The following ITGAX variants were observed in gnomAD, a reference collection of about 807,000 sequenced individuals.
ITGAX encodes integrin alpha-X.
In ITGAX, 99 loss-of-function variants were observed where a neutral mutation model predicts 140.2. That is an observed-to-expected ratio of 0.71 (90% CI 0.60 to 0.83). ITGAX has a LOEUF of 0.83. ITGAX is among the 40% of genes least tolerant of loss of function. ITGAX has a pLI of 0.00. For missense variants in ITGAX, 1,444 were observed against 1,482.0 expected, an observed-to-expected ratio of 0.97 and a Z score of 0.42; for synonymous variants, 631 against 600.4, an observed-to-expected ratio of 1.05 and a Z score of -0.75.
intron 20 of ITGAX, among the ~76,000 whole-genome samples, chr16:31,375,726 C>A (rs1037249280): frequency 3.3e-5 from 5 of 152,224 alleles, no homozygotes; most frequent in Non-Finnish European, 5.9e-5. Flanking sequence ...TCTGCTGTCT[C>A]TCTTAGTCTA....
At chr16:31,362,560 G>T (rs1479629970) in intron 11 of ITGAX, 51 bp from the exon 12 acceptor site, 91 of 1,564,026 alleles carry the variant, frequency 5.8e-5, no homozygotes, top group Non-Finnish European at 7.4e-5. Context: ...GGGGTCCAGG[G>T]TTCTGGGGAG....
chr16:31,355,919 T>C lies in ITGAX; in HGVS notation c.64T>C (p.Leu22=), dbSNP rs1162438330. 1.9e-6 allele frequency: 3 copies of C among 1,613,766 alleles called. No individual in the cohort carries two copies. Among genetic ancestry groups the C allele is most frequent in the Non-Finnish European group, 2.5e-6 (3 of 1,179,758 alleles). Residue 22 remains leucine (L), a synonymous_variant, in exon 2 of 30, where the codon TTG becomes CTG. Transcript: ENST00000268296. Reference sequence around the variant, plus strand: ...CTTAGCAACTTCTCTAGGTTTCAACTTGGACACAGAGGAGCTGACAGCCTT... The same window carrying C: ...CTTAGCAACTTCTCTAGGTTTCAACCTGGACACAGAGGAGCTGACAGCCTT... ...TALATSLGFN[L]DTEELTAFRV...
chr16:31,367,853 G>C (rs1204388477), intron 14 of ITGAX, among the ~76,000 whole-genome samples: 1 of 152,190 alleles, frequency 6.6e-6, no homozygotes, highest in Non-Finnish European at 1.5e-5. Context: ...TCTTCTGATG[G>C]ATCTGGGCAA....
rs771106198 is a variant in ITGAX at position 31,372,592 on chromosome 16, C to A, written c.2293-5C>A. 6.2e-7 allele frequency: 1 copy of A among 1,614,026 alleles called. No homozygotes were observed. The highest frequency in any genetic ancestry group is 8.5e-7 in the Non-Finnish European group (1 of 1,179,984). On this transcript the variant is annotated splice_polypyrimidine_tract_variant and splice_region_variant and intron_variant, in intron 18 of 29. Transcript: ENST00000268296. ...GAGAAAACCCCCCGTTGCCTTCCCA[C>A]GCAGCTACCCTTTGAGAAGAACTGT...
rs79258055 is a variant in ITGAX at position 31,372,784 on chromosome 16, G to A, written c.2366+114G>A. On this transcript the variant is annotated intron_variant, in intron 19 of 29. Coordinates refer to ENST00000268296, the MANE Select transcript of ITGAX (RefSeq NM_000887.5). ...CTCATCCTATAGTCAAAACCCAGGT[G>A]TCTTGGCTGGGCACAGTGGCTCACG... 3.1e-3 allele frequency: 3,330 copies of A among 1,072,464 alleles called. 57 individuals carry two copies. The African/African-American group carries it at 0.043, about 14-fold the overall frequency. The allele number at this position is 1,072,464 out of a possible 1,614,324, so 66.4% of individuals were successfully genotyped here.
rs1224842878 is a variant in ITGAX at position 31,363,015 on chromosome 16, C to T, written c.1440C>T (p.Ala480=). The change falls in exon 13 of 30, where the codon GCC becomes GCT. Residue 480 remains alanine (A), a synonymous_variant. Transcript: ENST00000268296. ...DGSTDLVLIG[A]PHYYEQTRGG... is the part of the protein sequence containing the mutation. ...GCACCGACCTGGTCCTCATCGGGGC[C>T]CCCCATTACTACGAGCAGACCCGAG... The T allele has an allele frequency of 6.2e-7, 1 of 1,612,216 alleles. No homozygotes were observed. The highest frequency in any genetic ancestry group is 2.2e-5 in the East Asian group (1 of 44,878).
In ITGAX at chr16:31,362,652, C is replaced by A. The variant is rs1298036241; in HGVS notation, c.1258C>A (p.Leu420Met). 6.2e-7 allele frequency: 1 copy of A among 1,613,310 alleles called. No individual in the cohort carries two copies. The highest frequency in any genetic ancestry group is 1.3e-5 in the African/African-American group (1 of 74,878). ...GGCCCTCTGGAAAGGGGTGCAGAGC[C>A]TGGTCCTGGGGGCCCCCCGCTACCA... Reference protein sequence around the residue: ...ELALWKGVQSLVLGAPRYQHT... With the variant: ...ELALWKGVQSMVLGAPRYQHT... The change falls in exon 12 of 30, where the codon CTG (leucine) becomes ATG (methionine). Residue 420 changes from leucine (L) to methionine (M), a missense_variant. Transcript: ENST00000268296.
chr16:31,377,185 GAAC>G lies in ITGAX; in HGVS notation c.2714_2716del (p.Asn905del). 6.2e-7 allele frequency: 1 copy of G among 1,614,018 alleles called. No individual in the cohort carries two copies. The highest frequency in any genetic ancestry group is 1.1e-5 in the South Asian group (1 of 91,082). ...TGAGTCTCTCCTCTTTCTCCAGTGA[GAAC>G]AACACTCCCAGGACCAGCAAGACCA... On this transcript the variant is annotated inframe_deletion, in exon 23 of 30. Transcript: ENST00000268296.
Position 31,360,042 on chromosome 16 carries a change from G to A in ITGAX, c.684G>A (p.Thr228=), listed in dbSNP as rs1597063936. The A allele has an allele frequency of 2.5e-6, 4 of 1,611,832 alleles. No homozygotes were observed. Among genetic ancestry groups the A allele is most frequent in the Non-Finnish European group, 3.4e-6 (4 of 1,180,010 alleles). The part of the protein sequence containing the change: ...SVHQLQGFTY[T]ATAIQNVVHR... ...ACCAGCTGCAAGGGTTTACATACAC[G>A]GCCACCGCCATCCAAAATGTCGTGT... The change falls in exon 7 of 30, where the codon ACG becomes ACA. Residue 228 remains threonine (T), a synonymous_variant. Transcript: ENST00000268296.
intron 14 of ITGAX, among the ~76,000 whole-genome samples, chr16:31,369,140 G>T (rs1342522226): frequency 1.3e-5 from 2 of 152,042 alleles, no homozygotes; most frequent in East Asian, 3.9e-4. Flanking sequence ...CCCAGACGGG[G>T]TGGTGGCCGG....
At position 31,376,847 on chromosome 16, in the gene ITGAX, G is replaced by T. The variant is rs182689124; in HGVS notation, c.2557G>T (p.Val853Phe). 7.4e-6 allele frequency: 12 copies of T among 1,614,244 alleles called. No homozygotes were observed. Among genetic ancestry groups the T allele is most frequent in the East Asian group, 4.5e-5 (2 of 44,890 alleles). Reference protein sequence around the residue: ...SLHLTCDSAPVGSQGTWSTSC... With the variant: ...SLHLTCDSAPFGSQGTWSTSC... The stretch of plus-strand genomic sequence containing the variant: ...GCACCTGACATGTGACAGCGCCCCA[G>T]TTGGGAGCCAGGGCACCTGGAGCAC... The change falls in exon 21 of 30, where the codon GTT becomes TTT. Residue 853 changes from valine (V) to phenylalanine (F), a missense_variant. By Grantham distance (50) the Val-to-Phe change is conservative. Coordinates refer to ENST00000268296, the MANE Select transcript of ITGAX (RefSeq NM_000887.5).
chr16:31,361,543 C>G, intron 9 of ITGAX: 1 of 699,306 alleles, frequency 1.4e-6, no homozygotes. Flanking sequence ...TCCCACCAGC[C>G]ACTCACTCCC....
At chr16:31,367,489 A>C (rs2080903518) in intron 14 of ITGAX, among the ~76,000 whole-genome samples, 1 of 152,220 alleles carries the variant, frequency 6.6e-6, no homozygotes, top group Admixed American at 6.5e-5. Flanking sequence ...CCATTTGGAA[A>C]ATTCCAGGGC....
Position 31,359,907 on chromosome 16 carries a change from G to T in ITGAX, c.562-13G>T. Reference sequence around the variant, plus strand: ...GAAATGGCCTCAGCCCCAGCCCTGTGTGCTTCTCCCAGTTTTCCCTGATGC... The same window carrying T: ...GAAATGGCCTCAGCCCCAGCCCTGTTTGCTTCTCCCAGTTTTCCCTGATGC... On this transcript the variant is annotated splice_polypyrimidine_tract_variant and intron_variant, in intron 6 of 29. Transcript: ENST00000268296. The T allele has an allele frequency of 6.2e-7, 1 of 1,614,098 alleles. No individual in the cohort carries two copies. The highest frequency in any genetic ancestry group is 1.1e-5 in the South Asian group (1 of 91,088).
Position 31,362,196 on chromosome 16 carries a change from C to A in ITGAX, c.1208C>A (p.Ser403Tyr), listed in dbSNP as rs750070858. 1.2e-6 allele frequency: 2 copies of A among 1,613,816 alleles called. No homozygotes were observed. The highest frequency in any genetic ancestry group is 3.3e-4 in the Middle Eastern group (2 of 6,060). ...MSQENVDMRD[S>Y]YLGYSTELAL... is the part of the protein sequence containing the mutation. Reference sequence around the variant, plus strand: ...CAGGAGAATGTGGACATGAGGGACTCTTACCTGGGTGAGAAACAGCCAGGG... The same window carrying A: ...CAGGAGAATGTGGACATGAGGGACTATTACCTGGGTGAGAAACAGCCAGGG... The change falls in exon 11 of 30, where the codon TCT becomes TAT. Residue 403 changes from serine (S) to tyrosine (Y), a missense_variant. Transcript: ENST00000268296.
intron 8 of ITGAX, 87 bp downstream of exon 8, chr16:31,360,550 C>A (rs2080813091): frequency 1.6e-6 from 2 of 1,274,522 alleles, no homozygotes; most frequent in Non-Finnish European, 2.2e-6. Context: ...CTCTTTGAGA[C>A]AGGGTCTTGC....
chr16:31,379,984 C>A lies in ITGAX; in HGVS notation c.2979C>A (p.Asn993Lys), dbSNP rs1405838888. ...TTGTTCTCTGCATTTTCCCCCAGAA[C>A]CCATCCCTTCGGTGCTCCTCAGAGA... ...WMDVEVSHPQ[N>K]PSLRCSSEKI... Residue 993 changes from asparagine to lysine, a missense_variant and splice_region_variant, in exon 26 of 30, where the codon AAC becomes AAA. By Grantham distance (94) the Asn-to-Lys change is moderately conservative. Transcript: ENST00000268296. 2 of 1,614,044 alleles carry A rather than the reference C, an allele frequency of 1.2e-6. No homozygotes were observed. Among genetic ancestry groups the A allele is most frequent in the African/African-American group, 2.7e-5 (2 of 75,036 alleles).
chr16:31,370,485 G>A (rs1430990201), intron 14 of ITGAX, among the ~76,000 whole-genome samples: 1 of 152,132 alleles, frequency 6.6e-6, no homozygotes, highest in Non-Finnish European at 1.5e-5. Context: ...ACAAAAAGGG[G>A]ACTTGGGCCT....
At chr16:31,380,783 C>A (rs973524544) in intron 28 of ITGAX, 114 bp from the exon 29 acceptor site, 6 of 1,267,286 alleles carry the variant, frequency 4.7e-6, no homozygotes, top group African/African-American at 2.9e-5. Flanking sequence ...TGTGTCTCAC[C>A]TCTTGGAGCA....
Sources: gnomAD v4.1 joint callset for allele counts (sites outside exome capture counted in the v4.1 genomes callset) on GRCh38, gnomAD v4.1.1 for gene constraint, MANE v1.5 for transcripts, NCBI Gene and HGNC (gene_info 2026-07-23, HGNC 2026-07-21) for gene names.